Variants in ANK1 observed in about 807,000 individuals in gnomAD.
ANK1 encodes the protein ankyrin-1.
ANK1 carries 51 observed loss-of-function variants against 210.4 expected under a neutral mutation model. The ratio of observed to expected loss-of-function variants is 0.24; its 90% CI spans 0.19 to 0.31. The LOEUF is 0.31. Ranked by LOEUF, ANK1 falls within the 10% of genes least tolerant of loss-of-function variation. The pLI is 1.00. For synonymous variants in ANK1, 967 were observed against 1,025.9 expected (o/e 0.94, Z 1.10); for missense variants, 2,051 against 2,504.4 (o/e 0.82, Z 3.86).
intron 1 of ANK1, among the ~76,000 whole-genome samples, chr8:41,785,830 C>T (rs1846237325): frequency 1.3e-5 from 2 of 152,344 alleles, no homozygotes; most frequent in South Asian, 4.1e-4. Context: ...TTTCCAGACC[C>T]TTTAAACACC....
At chr8:41,757,209 C>T (rs944383684) in intron 2 of ANK1, among the ~76,000 whole-genome samples, 1 of 152,184 alleles carries the variant, frequency 6.6e-6, no homozygotes, top group African/African-American at 2.4e-5. Context: ...TATCTGACCA[C>T]AATTAAACAC....
chr8:41,772,941 G>T (rs1489794676), intron 1 of ANK1, among the ~76,000 whole-genome samples: 1 of 152,178 alleles, frequency 6.6e-6, no homozygotes, highest in Admixed American at 6.5e-5. Flanking sequence ...CCACCCTGGG[G>T]AGTGTGTCAG....
chr8:41,798,836 C>T (rs1035743121), upstream of ANK1, among the ~76,000 whole-genome samples: 4 of 152,300 alleles, frequency 2.6e-5, 1 homozygote, highest in East Asian at 1.9e-4. Flanking sequence ...TGATGCTTGG[C>T]CTCCTGCTGG....
chr8:41,778,344 C>T (rs1844558407), intron 1 of ANK1, among the ~76,000 whole-genome samples: 1 of 152,216 alleles, frequency 6.6e-6, no homozygotes, highest in Non-Finnish European at 1.5e-5. Context: ...ACAAGAACCA[C>T]CAGGAGTTCA....
intron 24 of ANK1, among the ~76,000 whole-genome samples, chr8:41,697,535 G>A (rs187220909): frequency 6.6e-6 from 1 of 152,066 alleles, no homozygotes; most frequent in African/African-American, 2.4e-5. Flanking sequence ...CACTCTGTGA[G>A]CACTCACACC....
At chr8:41,669,216 C>CGT (rs1197195120) in intron 38 of ANK1, among the ~76,000 whole-genome samples, 2 of 151,944 alleles carry the variant, frequency 1.3e-5, no homozygotes, top group Non-Finnish European at 2.9e-5. Context: ...CTACACTCAG[C>CGT]GTGCCTGGAT....
At chr8:41,665,073 C>A (rs760391414) in intron 39 of ANK1, 4 of 1,598,844 alleles carry the variant, frequency 2.5e-6, no homozygotes, top group Non-Finnish European at 3.4e-6. Flanking sequence ...CCCCGGCCAC[C>A]ACGGGGGGCC....
intron 2 of ANK1, among the ~76,000 whole-genome samples, chr8:41,742,277 G>C (rs1324753073): frequency 1.3e-5 from 2 of 152,206 alleles, no homozygotes; most frequent in Non-Finnish European, 1.5e-5. Context: ...GAATACAGGA[G>C]ACACGGGGAA....
rs1388267086 is a variant in ANK1 at position 41,655,384 on chromosome 8, CA to C, written c.*405del. 3.9e-6 allele frequency: 1 copy of C among 258,688 alleles called. No individual in the cohort carries two copies. The highest frequency in any genetic ancestry group is 2.3e-5 in the African/African-American group (1 of 43,660). 16.0% of individuals were successfully genotyped at this position (258,688 alleles called of 1,614,324 possible). ...TGGGAAAAAGTACCCTGTACGAAGT[CA>C]AAACAATTTAAAAAAAAAACCCCAA... On this transcript the variant is annotated 3_prime_UTR_variant, in exon 43 of 43. Coordinates refer to ENST00000289734, the MANE Select transcript of ANK1 (RefSeq NM_000037.4).
At chr8:41,797,726 C>A, upstream of ANK1, 2 of 816,318 alleles carry the variant, frequency 2.5e-6, no homozygotes, top group Non-Finnish European at 3.6e-6. The surrounding 1 kb of genome is among the most constrained non-coding windows in gnomAD (Gnocchi z 4.0). Context: ...GGAGGGGTGG[C>A]GCCCGCCTGG....
At chr8:41,750,167 T>C (rs992553850) in intron 2 of ANK1, among the ~76,000 whole-genome samples, 1 of 152,260 alleles carries the variant, frequency 6.6e-6, no homozygotes. Flanking sequence ...GAAATTATTG[T>C]TATAGGCGCT....
At chr8:41,774,965 G>A (rs190366316) in intron 1 of ANK1, among the ~76,000 whole-genome samples, 10 of 152,334 alleles carry the variant, frequency 6.6e-5, no homozygotes, top group Admixed American at 5.9e-4. Context: ...ACCTTCCTCT[G>A]CGGCCTGCTG....
At position 41,668,465 on chromosome 8, in the gene ANK1, G is replaced by A. The variant is rs1170609917; in HGVS notation, c.5196C>T (p.Phe1732=). The A allele has an allele frequency of 6.2e-7, 1 of 1,614,240 alleles. No homozygotes were observed. Among genetic ancestry groups the A allele is most frequent in the Non-Finnish European group, 8.5e-7 (1 of 1,180,046 alleles). ...CTTCAGTCATGGTACTTGTTCCCTG[G>A]AATGAGTGTGGACCTTGCGTGACCT... ...QEEVTQGPHS[F]QGTSTMTEGL... is the part of the protein sequence containing the mutation. Residue 1732 remains phenylalanine (F), a synonymous_variant, in exon 39 of 43, where the codon TTC becomes TTT. Coordinates refer to ENST00000289734, the MANE Select transcript of ANK1 (RefSeq NM_000037.4).
intron 1 of ANK1, among the ~76,000 whole-genome samples, chr8:41,804,032 C>G (rs772891749): frequency 6.6e-6 from 1 of 152,130 alleles, no homozygotes. Flanking sequence ...GATTAAAATA[C>G]GTAAATTTAG....
rs546853154 is a variant in ANK1, at chr8:41,773,750, C to T, written c.28-15613G>A. Among the ~76,000 whole-genome samples, 22 of 152,234 alleles carry T rather than the reference C, an allele frequency of 1.4e-4. No individual in the cohort carries two copies. In the East Asian group the frequency reaches 3.7e-3, roughly 25 times the overall value. ...GCTCCCTCCTGCATGCACTGCAGAG[C>T]CCACAGCCGAGAATCTACAACAGGA... On this transcript the variant is annotated intron_variant, in intron 1 of 42. Coordinates refer to ENST00000289734, the MANE Select transcript of ANK1 (RefSeq NM_000037.4).
chr8:41,812,142 A>G (rs938472859), intron 1 of ANK1, among the ~76,000 whole-genome samples: 8 of 152,220 alleles, frequency 5.3e-5, no homozygotes, highest in Admixed American at 4.6e-4. Flanking sequence ...CATGAGTTCC[A>G]AATCACTTCG....
rs1563451390 is a variant in ANK1 at position 41,694,463 on chromosome 8, T to C, written c.3327+129A>G. 5 of 988,828 alleles carry C rather than the reference T, an allele frequency of 5.1e-6. No homozygotes were observed. Among genetic ancestry groups the C allele is most frequent in the Non-Finnish European group, 7.6e-6 (5 of 660,150 alleles). 61.3% of individuals were successfully genotyped at this position (988,828 alleles called of 1,614,324 possible). The stretch of plus-strand genomic sequence containing the variant: ...CTTAACTCTCCTTTGAGCTTTAAAC[T>C]CAGATCTCCACTGTGGCATTTCAAA... On this transcript the variant is annotated intron_variant, in intron 28 of 42. Coordinates refer to ENST00000289734, the MANE Select transcript of ANK1 (RefSeq NM_000037.4). The surrounding 1 kb of genome is among the most constrained non-coding windows in gnomAD (Gnocchi z 5.7).
At chr8:41,793,150 G>C (rs910948209) in intron 1 of ANK1, among the ~76,000 whole-genome samples, 1 of 152,228 alleles carries the variant, frequency 6.6e-6, no homozygotes. Flanking sequence ...GCCAAGGAGG[G>C]AAGCTCACTG....
chr8:41,856,116 T>C (rs1011021962), intron 1 of ANK1, among the ~76,000 whole-genome samples: 1 of 152,202 alleles, frequency 6.6e-6, no homozygotes, highest in Non-Finnish European at 1.5e-5. Context: ...CCAACCTTGC[T>C]TGAATCTGGA....
Sources: gnomAD v4.1 joint callset for allele counts (sites outside exome capture counted in the v4.1 genomes callset) on GRCh38, gnomAD v4.1.1 for gene constraint, Gnocchi (gnomAD v3.1) non-coding constraint, MANE v1.5 for transcripts, NCBI Gene and HGNC (gene_info 2026-07-23, HGNC 2026-07-21) for gene names.